TANGO6: variants seen among roughly 807,000 people sequenced by gnomAD.
TANGO6 encodes transport and Golgi organization protein 6 homolog.
A neutral mutation model predicts 114.2 loss-of-function variants in TANGO6; 90 were observed. The observed-to-expected ratio is 0.79, with a 90% CI of 0.66 to 0.94. TANGO6 has a LOEUF of 0.94. TANGO6 is among the 40% of genes least tolerant of loss of function. The pLI, the probability that TANGO6 is intolerant of heterozygous loss-of-function variation, is 0.00. For synonymous variants in TANGO6, 477 were observed against 509.8 expected (o/e 0.94, Z 0.87); for missense variants, 1,274 against 1,315.3 (o/e 0.97, Z 0.49).
chr16:69,003,212 TCC>T (rs1246185679), intron 15 of TANGO6, among the ~76,000 whole-genome samples: 2 of 152,094 alleles, frequency 1.3e-5, no homozygotes, highest in Non-Finnish European at 2.9e-5. Flanking sequence ...ACAAGGTGTC[TCC>T]AAAGAGATGG....
intron 15 of TANGO6, among the ~76,000 whole-genome samples, chr16:69,022,087 C>T (rs1487411091): frequency 2.6e-5 from 4 of 151,674 alleles, no homozygotes; most frequent in Non-Finnish European, 5.9e-5. Context: ...GGGGTTTCAC[C>T]GTGTTAGCCA....
chr16:68,846,989 C>G (rs1434861603), intron 1 of TANGO6: 1 of 151,510 alleles, frequency 6.6e-6, no homozygotes, highest in East Asian at 1.9e-4. Flanking sequence ...CTCCCGGATT[C>G]AAGCGATTCT....
intron 17 of TANGO6, among the ~76,000 whole-genome samples, chr16:69,071,677 G>T (rs1393456869): frequency 2.0e-5 from 3 of 152,166 alleles, no homozygotes. Context: ...CTGGATTGTG[G>T]TAATATGGTT....
intron 4 of TANGO6, among the ~76,000 whole-genome samples, chr16:68,872,861 T>C (rs1364854612): frequency 1.3e-5 from 2 of 151,196 alleles, no homozygotes; most frequent in Non-Finnish European, 2.9e-5. Context: ...CACACCCAGC[T>C]AATATATTTT....
chr16:68,920,432 A>G (rs1428283402), intron 12 of TANGO6, among the ~76,000 whole-genome samples: 4 of 152,224 alleles, frequency 2.6e-5, no homozygotes, highest in African/African-American at 9.6e-5. Context: ...TGTAGAGACC[A>G]AGGGGAAGAG....
chr16:68,907,485 T>G lies in TANGO6; in HGVS notation c.1710T>G (p.Ser570=). ...EDEALYQKVS[S]EQGRVEHLGD... is the part of the protein sequence containing the mutation. ...AAGCCCTGTACCAGAAGGTATCCTC[T>G]GAGCAGGGCCGGGTGGAGCATCTCG... The change falls in exon 10 of 18, where the codon TCT becomes TCG. Residue 570 remains serine (S), a synonymous_variant. Transcript: ENST00000261778. The G allele has an allele frequency of 2.5e-6, 4 of 1,613,208 alleles. No homozygotes were observed. Among genetic ancestry groups the G allele is most frequent in the Non-Finnish European group, 3.4e-6 (4 of 1,179,712 alleles).
At chr16:68,907,723 T>G in intron 10 of TANGO6, 148 bp downstream of exon 10, 1 of 972,426 alleles carries the variant, frequency 1.0e-6, no homozygotes, top group Non-Finnish European at 1.5e-6. Flanking sequence ...GAATTTATTT[T>G]TTAGTAGCCT....
intron 7 of TANGO6, among the ~76,000 whole-genome samples, chr16:68,897,540 T>A (rs200863018): frequency 1.3e-5 from 2 of 151,598 alleles, no homozygotes; most frequent in African/African-American, 2.4e-5. Flanking sequence ...TAAGAAGATA[T>A]AGAAAAGTAT....
intron 17 of TANGO6, among the ~76,000 whole-genome samples, chr16:69,041,646 TG>T (rs1209589086): frequency 6.6e-6 from 1 of 152,164 alleles, no homozygotes; most frequent in Non-Finnish European, 1.5e-5. Flanking sequence ...GCGAGGCCAT[TG>T]GATTTCCCAG....
chr16:68,861,242 C>G (rs1417044875), intron 2 of TANGO6, among the ~76,000 whole-genome samples: 1 of 152,172 alleles, frequency 6.6e-6, no homozygotes, highest in Non-Finnish European at 1.5e-5. Context: ...CACTGGCCAG[C>G]AGAAGCCGTT....
At chr16:68,883,949 ACC>A (rs1441806674) in intron 7 of TANGO6, among the ~76,000 whole-genome samples, 3 of 151,970 alleles carry the variant, frequency 2.0e-5, no homozygotes, top group African/African-American at 7.2e-5. Context: ...TCCCTCTGTT[ACC>A]CAGGGTGGAG....
chr16:68,996,591 C>T (rs978886228), intron 15 of TANGO6, among the ~76,000 whole-genome samples: 1 of 152,140 alleles, frequency 6.6e-6, no homozygotes, highest in African/African-American at 2.4e-5. Flanking sequence ...CTGCTGAGGG[C>T]ATGTGGCTCT....
intron 17 of TANGO6, 83 bp from the exon 18 acceptor site, chr16:69,083,402 C>G (rs1241139986): frequency 3.4e-6 from 5 of 1,462,112 alleles, no homozygotes; most frequent in Non-Finnish European, 4.6e-6. Context: ...CAGATCTCCT[C>G]AGGCAGGAGG....
Position 68,860,160 on chromosome 16 carries a change from G to A in TANGO6, c.371G>A (p.Arg124Lys). ...TTCAATCCAGGTAAACCCAACCCTA[G>A]GACTCCGGAAGTTGCTCCTGCCCTG... ...ANFNPGKPNP[R>K]TPEVAPALSP... The change falls in exon 2 of 18, where the codon AGG becomes AAG. Residue 124 changes from arginine to lysine, a missense_variant. By Grantham distance (26) the Arg-to-Lys change is conservative. Coordinates refer to ENST00000261778, the MANE Select transcript of TANGO6 (RefSeq NM_024562.2). 5 of 1,613,938 alleles carry A rather than the reference G, an allele frequency of 3.1e-6. No individual in the cohort carries two copies. The highest frequency in any genetic ancestry group is 2.5e-6 in the Non-Finnish European group (3 of 1,179,886).
At chr16:69,029,433 A>C (rs1959557930) in intron 16 of TANGO6, among the ~76,000 whole-genome samples, 1 of 152,342 alleles carries the variant, frequency 6.6e-6, no homozygotes, top group Non-Finnish European at 1.5e-5. Flanking sequence ...TTGAGTGCCT[A>C]CTACATGCCA....
intron 1 of TANGO6, among the ~76,000 whole-genome samples, chr16:68,851,219 G>T (rs2152150890): frequency 6.6e-6 from 1 of 152,108 alleles, no homozygotes; most frequent in African/African-American, 2.4e-5. Context: ...GAGTGCAGTG[G>T]CGCAATCTCG....
At chr16:68,901,347 C>T (rs986393213) in intron 8 of TANGO6, among the ~76,000 whole-genome samples, 6 of 152,190 alleles carry the variant, frequency 3.9e-5, no homozygotes, top group African/African-American at 1.2e-4. Flanking sequence ...TCAAAGCTTA[C>T]ATAGTTCCCC....
At chr16:68,995,883 T>G (rs1963985346) in intron 15 of TANGO6, among the ~76,000 whole-genome samples, 1 of 152,154 alleles carries the variant, frequency 6.6e-6, no homozygotes, top group African/African-American at 2.4e-5. Flanking sequence ...CCTTCTAAAT[T>G]TTACTTTCTT....
At chr16:68,973,033 A>T in intron 14 of TANGO6, 1 of 439,696 alleles carries the variant, frequency 2.3e-6, no homozygotes, top group South Asian at 1.6e-5. Flanking sequence ...GGGGATGGGG[A>T]CTGCTCATAT....
Sources: gnomAD v4.1 joint callset for allele counts (sites outside exome capture counted in the v4.1 genomes callset) on GRCh38, gnomAD v4.1.1 for gene constraint, MANE v1.5 for transcripts, NCBI Gene and HGNC (gene_info 2026-07-23, HGNC 2026-07-21) for gene names.